ELAVL4: variants seen among roughly 807,000 people sequenced by gnomAD.
The protein encoded by ELAVL4 is ELAV like RNA binding protein 4.
In ELAVL4, 1 loss-of-function variant was observed where a neutral mutation model predicts 35.6. The ratio of observed to expected loss-of-function variants is 0.03; its 90% CI spans 0.01 to 0.13. The LOEUF is 0.13. Among genes scored for constraint, ELAVL4 ranks in the 10% least tolerant of loss-of-function variants. The pLI, the probability that ELAVL4 is intolerant of heterozygous loss-of-function variation, is 1.00. For missense variants in ELAVL4, 267 were observed against 464.9 expected (o/e 0.57, Z 3.91); for synonymous variants, 156 against 171.0 (o/e 0.91, Z 0.69).
At chr1:50,115,351 G>A (rs185831539) in intron 1 of ELAVL4, 11 of 152,012 alleles carry the variant, frequency 7.2e-5, no homozygotes, top group East Asian at 1.9e-4. Flanking sequence ...TTGTGCTTGC[G>A]TTTTTGTTTT....
chr1:50,133,777 T>A (rs1671428976), intron 1 of ELAVL4, among the ~76,000 whole-genome samples: 1 of 152,184 alleles, frequency 6.6e-6, no homozygotes, highest in Admixed American at 6.5e-5. Flanking sequence ...TTTTCATGAA[T>A]GAACATGTAG....
At chr1:50,085,647 T>C (rs1227989599) in intron 1 of ELAVL4, among the ~76,000 whole-genome samples, 1 of 152,248 alleles carries the variant, frequency 6.6e-6, no homozygotes, top group Non-Finnish European at 1.5e-5. Flanking sequence ...TGCGTTGTCA[T>C]TGCTGGCATA....
chr1:50,081,057 G>T (rs1426175660), intron 1 of ELAVL4, among the ~76,000 whole-genome samples: 1 of 152,172 alleles, frequency 6.6e-6, no homozygotes, highest in Non-Finnish European at 1.5e-5. Flanking sequence ...AGCTTCTAAA[G>T]GTAGGCTTTC....
chr1:50,165,943 CAGA>C (rs949576028), intron 2 of ELAVL4, among the ~76,000 whole-genome samples: 8 of 152,058 alleles, frequency 5.3e-5, no homozygotes, highest in Non-Finnish European at 1.0e-4. Context: ...AGTTCCCAAA[CAGA>C]AGAACTTGGA....
rs369454937 is a variant in ELAVL4 at position 50,065,152 on chromosome 1, C to T, written c.18+16970C>T. Among the ~76,000 whole-genome samples the T allele has an allele frequency of 1.0e-3, 157 of 152,224 alleles. 4 individuals are homozygous for T. The highest frequency in any genetic ancestry group is 8.8e-5 in the Non-Finnish European group (6 of 68,012). On this transcript the variant is annotated intron_variant, in intron 1 of 6. Transcript: ENST00000448907. Reference sequence around the variant, plus strand: ...CTCACCCCCCACCTTTTCCTCTCACCTCTATAAAACAAAGGTGATGGTGGA... The same window carrying T: ...CTCACCCCCCACCTTTTCCTCTCACTTCTATAAAACAAAGGTGATGGTGGA...
chr1:50,173,015 C>T (rs1297513472), intron 2 of ELAVL4, among the ~76,000 whole-genome samples: 1 of 152,066 alleles, frequency 6.6e-6, no homozygotes, highest in Non-Finnish European at 1.5e-5. Flanking sequence ...CCTGGGTACC[C>T]CCTCTTTTCC....
At chr1:50,165,524 TATAC>T (rs1167629854) in intron 2 of ELAVL4, among the ~76,000 whole-genome samples, 3 of 149,744 alleles carry the variant, frequency 2.0e-5, no homozygotes, top group Admixed American at 6.7e-5. Context: ...TATATACGTA[TATAC>T]ATATACCTAT....
At chr1:50,106,943 A>G (rs1035734834), upstream of ELAVL4, among the ~76,000 whole-genome samples, 2 of 152,180 alleles carry the variant, frequency 1.3e-5, no homozygotes, top group African/African-American at 2.4e-5. Flanking sequence ...TGGATGGGAG[A>G]AAAGGGTTTT....
At chr1:50,139,488 A>G (rs1184429135) in intron 1 of ELAVL4, among the ~76,000 whole-genome samples, 2 of 152,210 alleles carry the variant, frequency 1.3e-5, no homozygotes, top group East Asian at 1.9e-4. Flanking sequence ...GTTGAATTCA[A>G]GAAGGGTCTG....
At position 50,068,936 on chromosome 1, in the gene ELAVL4, G is replaced by A. The variant is rs1664389229; in HGVS notation, c.18+20754G>A. ...ATAGAGCTGTACCTGATTTAAACAGGGTATGGTAACTGAATTTCATTTATT... is the reference window on the plus strand; with the variant it reads ...ATAGAGCTGTACCTGATTTAAACAGAGTATGGTAACTGAATTTCATTTATT... On this transcript the variant is annotated intron_variant, in intron 1 of 6. Transcript: ENST00000448907. Among the ~76,000 whole-genome samples, 4 of 152,082 alleles carry A rather than the reference G, an allele frequency of 2.6e-5. No homozygotes were observed. In the South Asian group the frequency reaches 8.3e-4, roughly 32 times the overall value.
intron 1 of ELAVL4, among the ~76,000 whole-genome samples, chr1:50,081,282 C>T (rs767365510): frequency 6.6e-6 from 1 of 152,122 alleles, no homozygotes; most frequent in South Asian, 2.1e-4. Flanking sequence ...TTCAGTTTGT[C>T]TCTGGTAAAT....
intron 1 of ELAVL4, among the ~76,000 whole-genome samples, chr1:50,144,109 C>T (rs1673278347): frequency 6.6e-6 from 1 of 152,162 alleles, no homozygotes; most frequent in African/African-American, 2.4e-5. Flanking sequence ...TCTGTGTCCT[C>T]TATAGACTAT....
At chr1:50,165,916 C>T (rs1413366563) in intron 2 of ELAVL4, among the ~76,000 whole-genome samples, 1 of 151,776 alleles carries the variant, frequency 6.6e-6, no homozygotes, top group East Asian at 1.9e-4. Flanking sequence ...AGCTGAGGAG[C>T]AAGGAGAGCC....
intron 1 of ELAVL4, among the ~76,000 whole-genome samples, chr1:50,139,805 G>A (rs57196457): frequency 3.9e-5 from 6 of 152,196 alleles, no homozygotes; most frequent in African/African-American, 7.2e-5. Context: ...GTGATGATCC[G>A]GCAGCTGCAC....
At chr1:50,165,635 T>A (rs935288374) in intron 2 of ELAVL4, among the ~76,000 whole-genome samples, 3 of 147,980 alleles carry the variant, frequency 2.0e-5, no homozygotes, top group Admixed American at 1.4e-4. Flanking sequence ...CATAAATATA[T>A]GTATATAGGT....
intron 1 of ELAVL4, among the ~76,000 whole-genome samples, chr1:50,140,085 A>G (rs370501069): frequency 5.9e-5 from 9 of 152,252 alleles, no homozygotes; most frequent in African/African-American, 1.7e-4. Context: ...AGTCAACTGA[A>G]CCTCCTCAAT....
chr1:50,099,045 A>G (rs939596503), upstream of ELAVL4, among the ~76,000 whole-genome samples: 1 of 152,242 alleles, frequency 6.6e-6, no homozygotes, highest in Non-Finnish European at 1.5e-5. Flanking sequence ...ATTGAGGATG[A>G]CTTGATAAAG....
rs114467609 is a variant in ELAVL4 at position 50,108,973 on chromosome 1, G to A, written c.-217G>A. The A allele has an allele frequency of 1.1e-3, 1,392 of 1,248,546 alleles. 15 individuals are homozygous for A. The African/African-American group carries it at 0.02, about 18-fold the overall frequency. The allele number at this position is 1,248,546 out of a possible 1,614,324, so 77.3% of individuals were successfully genotyped here. A position where few individuals can be genotyped will look rare whatever the true frequency, so the allele number is the denominator to read the frequency against. ...TTGTTCTTATCTACATCCTAGAATCGGGGGTTTCAGCTCACTGCTCCTTTT... is the reference window on the plus strand; with the variant it reads ...TTGTTCTTATCTACATCCTAGAATCAGGGGTTTCAGCTCACTGCTCCTTTT... On this transcript the variant is annotated 5_prime_UTR_variant, in exon 1 of 7. Transcript: ENST00000371824.
At chr1:50,049,785 C>T (rs1222851944) in intron 1 of ELAVL4, among the ~76,000 whole-genome samples, 1 of 152,158 alleles carries the variant, frequency 6.6e-6, no homozygotes, top group African/African-American at 2.4e-5. Flanking sequence ...CTACTAACTA[C>T]TCTAGAAATA....
Sources: gnomAD v4.1 joint callset for allele counts (sites outside exome capture counted in the v4.1 genomes callset) on GRCh38, gnomAD v4.1.1 for gene constraint, MANE v1.5 for transcripts, NCBI Gene and HGNC (gene_info 2026-07-23, HGNC 2026-07-21) for gene names.